ZMPSTE24: variants seen among roughly 807,000 people sequenced by gnomAD.
ZMPSTE24 encodes the protein zinc metallopeptidase STE24.
A neutral mutation model predicts 56.7 loss-of-function variants in ZMPSTE24; 48 were observed. The ratio of observed to expected loss-of-function variants is 0.85; its 90% confidence interval spans 0.67 to 1.08. The LOEUF (loss-of-function observed/expected upper bound fraction) is 1.08. Ranked by LOEUF, ZMPSTE24 falls within the 50% of genes least tolerant of loss-of-function variation. ZMPSTE24 has a pLI of 0.00. For synonymous variants in ZMPSTE24, 172 were observed against 195.2 expected, an observed-to-expected ratio of 0.88 and a Z score of 0.99; for missense variants, 503 against 548.7, an observed-to-expected ratio of 0.92 and a Z score of 0.83.
chr1:40,268,891 C>T (rs987894319), intron 4 of ZMPSTE24, among the ~76,000 whole-genome samples: 2 of 150,376 alleles, frequency 1.3e-5, no homozygotes, highest in African/African-American at 4.9e-5. Flanking sequence ...TCCTGGCTAA[C>T]ACCGTGAAAC....
At chr1:40,287,128 G>A (rs577532562) in intron 8 of ZMPSTE24, among the ~76,000 whole-genome samples, 11 of 151,016 alleles carry the variant, frequency 7.3e-5, no homozygotes, top group South Asian at 2.1e-4. Flanking sequence ...ATGCAGTGGC[G>A]TGATCTCAAC....
intron 7 of ZMPSTE24, 46 bp from the exon 8 acceptor site, chr1:40,285,878 CT>C (rs772662623): frequency 3.4e-5 from 51 of 1,509,642 alleles, no homozygotes; most frequent in Non-Finnish European, 2.7e-6. Flanking sequence ...AAAGATAAAA[CT>C]TTTTAAAGGT....
rs554781743 is a variant in ZMPSTE24 at position 40,292,320 on chromosome 1, A to G, written c.1204-125A>G. ...ACCCTAGGTCCCCTAAATATTAGTG[A>G]TCTTTCTTTTGTCCTGCCATTCCTC... On this transcript the variant is annotated intron_variant, in intron 9 of 9. Transcript: ENST00000372759. 8.1e-6 allele frequency: 7 copies of G among 867,580 alleles called. No individual in the cohort carries two copies. The East Asian group carries it at 1.7e-4, about 21-fold the overall frequency. 53.7% of individuals were successfully genotyped at this position (867,580 alleles called of 1,614,324 possible). A position where few individuals can be genotyped will look rare whatever the true frequency, so the allele number is the denominator to read the frequency against.
chr1:40,270,575 G>A lies in ZMPSTE24; in HGVS notation c.627+448G>A, dbSNP rs550691832. On this transcript the variant is annotated intron_variant, in intron 5 of 9. Transcript: ENST00000372759. ...CCCTTCCCTTGCCTTTCCCTTCCAC[G>A]TTAGACACTCTCTCCCTTCTTTGCC... 7.9e-5 allele frequency among the ~76,000 whole-genome samples: 12 copies of A among 152,076 alleles called. No individual in the cohort carries two copies. The South Asian group carries it at 2.3e-3, about 29-fold the overall frequency.
In ZMPSTE24 at chr1:40,280,157, A is replaced by T. The variant is rs554993119; in HGVS notation, c.770-1186A>T. 3.9e-5 allele frequency among the ~76,000 whole-genome samples: 6 copies of T among 152,244 alleles called. No individual in the cohort carries two copies. The South Asian group carries it at 1.2e-3, about 32-fold the overall frequency. ...GCCAAACGACCGTAGAATGGTCGAC[A>T]TTGAGTTCTTCGGCAACTTCTTGTG... is the stretch of plus-strand genomic sequence containing the variant. On this transcript the variant is annotated intron_variant, in intron 6 of 9. Transcript: ENST00000372759.
chr1:40,280,911 A>G (rs901015728), intron 6 of ZMPSTE24, among the ~76,000 whole-genome samples: 6 of 152,242 alleles, frequency 3.9e-5, no homozygotes, highest in Non-Finnish European at 8.8e-5. Context: ...AAAAACCGCA[A>G]TTACTTTTGC....
chr1:40,292,499 G>A lies in ZMPSTE24; in HGVS notation c.1258G>A (p.Ala420Thr), dbSNP rs909177885. The change falls in exon 10 of 10, where the codon GCA becomes ACA. Residue 420 changes from alanine (A) to threonine (T), a missense_variant. Transcript: ENST00000372759. Reference sequence around the variant, plus strand: ...CCGCAGATTTGAGTTTCAAGCTGATGCATTTGCCAAGAAACTTGGGAAGGC... The same window carrying A: ...CCGCAGATTTGAGTTTCAAGCTGATACATTTGCCAAGAAACTTGGGAAGGC... Reference protein sequence around the residue: ...LSRRFEFQADAFAKKLGKAKD... With the variant: ...LSRRFEFQADTFAKKLGKAKD... The A allele has an allele frequency of 1.2e-6, 2 of 1,614,098 alleles. No individual in the cohort carries two copies. Among genetic ancestry groups the A allele is most frequent in the African/African-American group, 2.7e-5 (2 of 75,038 alleles).
At chr1:40,285,167 CGTG>C (rs1557781177) in intron 7 of ZMPSTE24, among the ~76,000 whole-genome samples, 1 of 151,542 alleles carries the variant, frequency 6.6e-6, no homozygotes, top group Admixed American at 6.6e-5. Flanking sequence ...AGTGCAATGG[CGTG>C]ATCTCAGCTC....
intron 6 of ZMPSTE24, among the ~76,000 whole-genome samples, chr1:40,273,537 A>AAAAAAAAAAAAAATAT (rs1224234676): frequency 2.4e-4 from 3 of 12,388 alleles, no homozygotes; most frequent in East Asian, 3.3e-3. Context: ...AAAAAAAAAA[A>AAAAAAAAAAAAAATAT]ATATATATAT....
Position 40,261,687 on chromosome 1 carries a change from G to GT in ZMPSTE24, c.270+709dup, listed in dbSNP as rs542123589. 1.6e-4 allele frequency among the ~76,000 whole-genome samples: 24 copies of GT among 152,016 alleles called. No individual in the cohort carries two copies. The Middle Eastern group carries it at 0.014, about 86-fold the overall frequency. On this transcript the variant is annotated intron_variant, in intron 2 of 9. Coordinates refer to ENST00000372759, the MANE Select transcript of ZMPSTE24 (RefSeq NM_005857.5). Reference sequence around the variant, plus strand: ...TATTTATTGAATGAAATAATGTGGGGTTTTTTTGTTGCTTTTTTTGTTTTG... The same window carrying GT: ...TATTTATTGAATGAAATAATGTGGGGTTTTTTTTGTTGCTTTTTTTGTTTTG...
chr1:40,281,094 T>A (rs1643724482), intron 6 of ZMPSTE24, among the ~76,000 whole-genome samples: 1 of 152,244 alleles, frequency 6.6e-6, no homozygotes, highest in Non-Finnish European at 1.5e-5. Context: ...AATTGAATCA[T>A]TTGTAACTGT....
chr1:40,291,307 G>A (rs889368243), intron 9 of ZMPSTE24, among the ~76,000 whole-genome samples: 7 of 152,196 alleles, frequency 4.6e-5, no homozygotes, highest in African/African-American at 1.7e-4. Flanking sequence ...ATATTCACCA[G>A]TGCTTGGGTA....
intron 4 of ZMPSTE24, among the ~76,000 whole-genome samples, chr1:40,268,874 G>A (rs954714739): frequency 1.3e-5 from 2 of 148,818 alleles, no homozygotes; most frequent in African/African-American, 5.0e-5. Context: ...TCAGGAGATC[G>A]AGGCCATCCT....
intron 1 of ZMPSTE24, 135 bp from the exon 2 acceptor site, chr1:40,260,704 G>A: frequency 1.2e-6 from 1 of 820,258 alleles, no homozygotes; most frequent in Non-Finnish European, 1.9e-6. Flanking sequence ...ACTTGATCAA[G>A]TGCAATATTT....
chr1:40,269,346 CATT>C (rs1413901354), intron 4 of ZMPSTE24, among the ~76,000 whole-genome samples: 1 of 151,622 alleles, frequency 6.6e-6, no homozygotes, highest in Admixed American at 6.6e-5. Context: ...GGTGAGCCAT[CATT>C]GTGCCACTGT....
At chr1:40,290,665 T>G in intron 8 of ZMPSTE24, 189 bp from the exon 9 acceptor site, 1 of 517,940 alleles carries the variant, frequency 1.9e-6, no homozygotes, top group South Asian at 2.0e-5. Context: ...GGTTTCACCA[T>G]GTTAGCCAGG....
intron 7 of ZMPSTE24, among the ~76,000 whole-genome samples, chr1:40,285,092 ATTT>A (rs1338401513): frequency 8.5e-6 from 1 of 118,214 alleles, no homozygotes; most frequent in Non-Finnish European, 1.7e-5. Flanking sequence ...TGCCTGGCTA[ATTT>A]ATTATTATTA....
intron 5 of ZMPSTE24, 119 bp from the exon 6 acceptor site, chr1:40,271,775 G>T: frequency 8.9e-7 from 1 of 1,125,360 alleles, no homozygotes; most frequent in Non-Finnish European, 1.3e-6. Context: ...GAGCAAGTAA[G>T]TTCCTTGTTC....
chr1:40,286,103 T>C, intron 8 of ZMPSTE24, 74 bp downstream of exon 8: 1 of 1,343,872 alleles, frequency 7.4e-7, no homozygotes, highest in Non-Finnish European at 1.1e-6. Context: ...TGAGAGGTCA[T>C]ATAAGAGAGG....
Sources: gnomAD v4.1 joint callset for allele counts (sites outside exome capture counted in the v4.1 genomes callset) on GRCh38, gnomAD v4.1.1 for gene constraint, MANE v1.5 for transcripts, NCBI Gene and HGNC (gene_info 2026-07-23, HGNC 2026-07-21) for gene names.